Variants in SLC38A4 observed in about 807,000 individuals in gnomAD.
The protein encoded by SLC38A4 is sodium-coupled neutral amino acid transporter 4.
Under a neutral mutation model 63.1 loss-of-function variants are expected in SLC38A4, and 20 were observed. The observed-to-expected ratio is 0.32, with a 90% CI of 0.22 to 0.46. The LOEUF (loss-of-function observed/expected upper bound fraction) is 0.46. SLC38A4 is among the 20% of genes least tolerant of loss of function. The probability of loss-of-function intolerance (pLI) is 1.00; values close to 1 mark genes in which losing one functional copy is unlikely to be tolerated. For synonymous variants in SLC38A4, 230 were observed against 225.5 expected (o/e 1.02, Z -0.18); for missense variants, 526 against 663.6 (o/e 0.79, Z 2.28).
chr12:46,779,754 T>C, intron 9 of SLC38A4, 26 bp downstream of exon 9: 4 of 1,588,974 alleles, frequency 2.5e-6, no homozygotes, highest in Non-Finnish European at 1.7e-6. Context: ...AAAATAAAAA[T>C]ATTTCCAGTT....
At chr12:46,779,911 T>C in intron 8 of SLC38A4, 38 bp downstream of exon 8, 2 of 1,607,644 alleles carry the variant, frequency 1.2e-6, no homozygotes, top group Non-Finnish European at 1.7e-6. Context: ...CCAAGTAGAA[T>C]GAGTCACTTG....
chr12:46,792,988 G>A lies in SLC38A4; in HGVS notation c.84C>T (p.Ile28=), dbSNP rs200652031. The change falls in exon 3 of 17, where the codon ATC becomes ATT. Residue 28 remains isoleucine (I), a synonymous_variant. Coordinates refer to ENST00000266579, the MANE Select transcript of SLC38A4 (RefSeq NM_018018.5). ...CTGCCTTTTCTGAATTTCCTATCCCGATGTAGCTATCTGGAGCACTTTCTC... is the reference window on the plus strand; with the variant it reads ...CTGCCTTTTCTGAATTTCCTATCCCAATGTAGCTATCTGGAGCACTTTCTC... ...SSGESAPDSY[I]GIGNSEKAAM... is the part of the protein sequence containing the mutation. The A allele has an allele frequency of 6.2e-6, 10 of 1,613,058 alleles. No individual in the cohort carries two copies. The highest frequency in any genetic ancestry group is 4.5e-5 in the East Asian group (2 of 44,824).
chr12:46,775,303 G>C, intron 13 of SLC38A4, 130 bp from the exon 14 acceptor site: 1 of 1,142,550 alleles, frequency 8.8e-7, no homozygotes, highest in African/African-American at 1.6e-5. Context: ...GGCACCTCTG[G>C]TCTTGCCTCT....
At chr12:46,803,318 T>A (rs1235833621) in intron 2 of SLC38A4, among the ~76,000 whole-genome samples, 3 of 152,086 alleles carry the variant, frequency 2.0e-5, no homozygotes, top group African/African-American at 7.2e-5. Flanking sequence ...ACTAAACACA[T>A]TTTACCGGCT....
At position 46,794,552 on chromosome 12, in the gene SLC38A4, AAAAG is replaced by A. The variant is rs953113152; in HGVS notation, c.-112-1373_-112-1370del. On this transcript the variant is annotated intron_variant, in intron 2 of 16. Coordinates refer to ENST00000266579, the MANE Select transcript of SLC38A4 (RefSeq NM_018018.5). ...GAGTCAAAAAAAGGAATTCTTAAAA[AAAAG>A]AAAAAAATAGAATCATTGAAATTTA... Among the ~76,000 whole-genome samples, 113 of 151,898 alleles carry A rather than the reference AAAAG, an allele frequency of 7.4e-4. 1 individual carries two copies. Among genetic ancestry groups the A allele is most frequent in the African/African-American group, 2.6e-3 (108 of 41,422 alleles).
At chr12:46,772,133 TA>T (rs372169654) in intron 14 of SLC38A4, among the ~76,000 whole-genome samples, 15,378 of 131,188 alleles carry the variant, frequency 0.12, 1,592 homozygotes, top group African/African-American at 0.28. Context: ...TTCTAACTCT[TA>T]AAAAAAAAAA....
At chr12:46,778,878 C>A (rs1938583939) in intron 10 of SLC38A4, 102 bp from the exon 11 acceptor site, 2 of 1,033,230 alleles carry the variant, frequency 1.9e-6, no homozygotes, top group Non-Finnish European at 2.8e-6. Context: ...GGTGAGGGAA[C>A]TCAGTTAGGG....
Position 46,783,020 on chromosome 12 carries a change from ATGTG to A in SLC38A4, c.493+1518_493+1521del, listed in dbSNP as rs71437771. Among the ~76,000 whole-genome samples, 651 of 103,752 alleles carry A rather than the reference ATGTG, an allele frequency of 6.3e-3. 9 individuals are homozygous for A. The highest frequency in any genetic ancestry group is 0.02 in the African/African-American group (578 of 28,584). 68.1% of individuals were successfully genotyped at this position (103,752 alleles called of 152,430 possible). On this transcript the variant is annotated intron_variant, in intron 7 of 16. Transcript: ENST00000266579. ...CCAGGTGAGCAGAGTGAGAGAGAAAATGTGTGTGTGTGTGTGTGTGTGTGTGTGT... is the reference window on the plus strand; with the variant it reads ...CCAGGTGAGCAGAGTGAGAGAGAAAATGTGTGTGTGTGTGTGTGTGTGTGT...
chr12:46,785,294 A>AT (rs761968827), intron 5 of SLC38A4, 117 bp from the exon 6 acceptor site: 27 of 810,376 alleles, frequency 3.3e-5, no homozygotes, highest in Non-Finnish European at 5.0e-5. Context: ...TTCCAAAAGT[A>AT]TGTGGATTTG....
At chr12:46,792,504 A>G (rs532093813) in intron 3 of SLC38A4, among the ~76,000 whole-genome samples, 1 of 152,234 alleles carries the variant, frequency 6.6e-6, no homozygotes, top group Admixed American at 6.5e-5. Context: ...TGCAGTAGAC[A>G]TTCAGATATA....
upstream of SLC38A4, among the ~76,000 whole-genome samples, chr12:46,830,743 C>T (rs1477676575): frequency 6.6e-6 from 1 of 152,194 alleles, no homozygotes; most frequent in African/African-American, 2.4e-5. Context: ...AAGTGCCTGC[C>T]AGGATGGGCT....
chr12:46,793,678 G>A (rs1938940290), intron 2 of SLC38A4, among the ~76,000 whole-genome samples: 1 of 152,128 alleles, frequency 6.6e-6, no homozygotes, highest in Admixed American at 6.5e-5. Context: ...CCAAATGCTT[G>A]ATAATATGCA....
At chr12:46,798,458 T>A (rs1256700147) in intron 2 of SLC38A4, among the ~76,000 whole-genome samples, 2 of 152,134 alleles carry the variant, frequency 1.3e-5, no homozygotes, top group African/African-American at 4.8e-5. Context: ...CATCCTTAAT[T>A]TATCCAGCCC....
At chr12:46,819,078 G>C (rs1017623301) in intron 1 of SLC38A4, among the ~76,000 whole-genome samples, 1 of 151,762 alleles carries the variant, frequency 6.6e-6, no homozygotes, top group African/African-American at 2.4e-5. Context: ...GCAGAATTTT[G>C]GAGTTTGAGA....
At chr12:46,799,228 A>G (rs1939078931) in intron 2 of SLC38A4, among the ~76,000 whole-genome samples, 1 of 152,182 alleles carries the variant, frequency 6.6e-6, no homozygotes, top group Non-Finnish European at 1.5e-5. Context: ...CAAAACTCTC[A>G]CAAACATTGT....
At chr12:46,803,296 G>T (rs986975884) in intron 2 of SLC38A4, among the ~76,000 whole-genome samples, 18 of 151,922 alleles carry the variant, frequency 1.2e-4, no homozygotes, top group African/African-American at 4.3e-4. Flanking sequence ...GATCAACCTG[G>T]AGATATAAAT....
chr12:46,776,758 A>G (rs2120764322), intron 13 of SLC38A4, 146 bp downstream of exon 13: 1 of 627,614 alleles, frequency 1.6e-6, no homozygotes, highest in East Asian at 3.0e-5. Context: ...AGGTCAAGTG[A>G]CAAAACTAAA....
intron 1 of SLC38A4, among the ~76,000 whole-genome samples, chr12:46,821,198 C>T (rs1216124734): frequency 6.6e-6 from 1 of 151,940 alleles, no homozygotes; most frequent in African/African-American, 2.4e-5. Context: ...TGCTTTTTTG[C>T]CTGTGCTTTT....
intron 12 of SLC38A4, among the ~76,000 whole-genome samples, chr12:46,778,037 G>A (rs1402828548): frequency 1.3e-5 from 2 of 151,776 alleles, no homozygotes; most frequent in Admixed American, 6.6e-5. Flanking sequence ...TACAACCATC[G>A]ACTCCTTGTC....
Sources: allele counts gnomAD v4.1 joint callset (sites outside exome capture counted in the v4.1 genomes callset), GRCh38; gene constraint gnomAD v4.1.1; transcripts MANE v1.5; gene names NCBI Gene and HGNC (gene_info 2026-07-23, HGNC 2026-07-21).